SH3PXD2B: variants seen among roughly 807,000 people sequenced by gnomAD.
The protein encoded by SH3PXD2B is SH3 and PX domains 2B, also known as SH3 and PX domain-containing protein 2B.
A neutral mutation model predicts 73.1 loss-of-function variants in SH3PXD2B; 37 were observed. That is an observed-to-expected ratio of 0.51 (90% CI 0.39 to 0.67). The LOEUF (loss-of-function observed/expected upper bound fraction) is 0.67. Ranked by LOEUF, SH3PXD2B falls within the 30% of genes least tolerant of loss-of-function variation. SH3PXD2B has a pLI of 0.00. For missense variants in SH3PXD2B, 1,053 were observed against 1,197.8 expected (o/e 0.88, Z 1.78); for synonymous variants, 457 against 480.5 (o/e 0.95, Z 0.64).
chr5:172,334,067 G>C lies in SH3PXD2B; in HGVS notation c.*4302C>G. The C allele has an allele frequency of 8.7e-7, 1 of 1,150,492 alleles. No individual in the cohort carries two copies. The highest frequency in any genetic ancestry group is 1.8e-5 in the South Asian group (1 of 55,620). 71.3% of individuals were successfully genotyped at this position (1,150,492 alleles called of 1,614,324 possible). ...TGGCACTGCGTTTGGCCTCTTTGAGGACAGAAGAGGTTGAGCCCCTCATCC... is the reference window on the plus strand; with the variant it reads ...TGGCACTGCGTTTGGCCTCTTTGAGCACAGAAGAGGTTGAGCCCCTCATCC... On this transcript the variant is annotated 3_prime_UTR_variant, in exon 13 of 13. Coordinates refer to ENST00000311601, the MANE Select transcript of SH3PXD2B (RefSeq NM_001017995.3).
At chr5:172,378,267 G>A (rs1757863755) in intron 5 of SH3PXD2B, among the ~76,000 whole-genome samples, 2 of 152,210 alleles carry the variant, frequency 1.3e-5, no homozygotes, top group African/African-American at 4.8e-5. Flanking sequence ...TGGGGCCACT[G>A]CAACCACCCT....
chr5:172,432,903 CTCTG>C (rs113207228), intron 1 of SH3PXD2B, among the ~76,000 whole-genome samples: 1,592 of 98,858 alleles, frequency 0.016, 41 homozygotes, highest in African/African-American at 0.067. Context: ...AAGAGTGAAA[CTCTG>C]TCTGTCTCAA....
chr5:172,329,075 A>ATTTTTTTTTTTTTT (rs1561884420), downstream of SH3PXD2B, among the ~76,000 whole-genome samples: 1 of 71,120 alleles, frequency 1.4e-5, no homozygotes, highest in African/African-American at 5.5e-5. Flanking sequence ...ATATATATAT[A>ATTTTTTTTTTTTTT]TATATATATT....
intron 3 of SH3PXD2B, among the ~76,000 whole-genome samples, chr5:172,403,106 A>C (rs1259957978): frequency 1.3e-5 from 2 of 152,240 alleles, no homozygotes; most frequent in East Asian, 3.9e-4. Flanking sequence ...TCAGGGAAGG[A>C]GGGTGAGCCG....
rs1306490395 is a variant in SH3PXD2B at position 172,333,569 on chromosome 5, GGTAAA to G, written c.*4795_*4799del. The G allele has an allele frequency of 3.3e-5, 39 of 1,189,830 alleles. No individual in the cohort carries two copies. The highest frequency in any genetic ancestry group is 3.8e-5 in the Non-Finnish European group (36 of 945,332). The allele number at this position is 1,189,830 out of a possible 1,614,324, so 73.7% of individuals were successfully genotyped here. ...AAAAAAAAAAGGAAAGAAGTCAAAT[GGTAAA>G]GTATATAGCCTACACATGCTACAGC... On this transcript the variant is annotated 3_prime_UTR_variant, in exon 13 of 13. Transcript: ENST00000311601.
chr5:172,360,602 C>T (rs1757375211), intron 7 of SH3PXD2B, among the ~76,000 whole-genome samples: 2 of 152,176 alleles, frequency 1.3e-5, no homozygotes, highest in Admixed American at 1.3e-4. Flanking sequence ...GAGGCTGAGG[C>T]GAGTGGATCA....
rs1489564372 is a variant in SH3PXD2B at position 172,369,693 on chromosome 5, G to A, written c.427+4097C>T. On this transcript the variant is annotated intron_variant, in intron 6 of 12. Transcript: ENST00000311601. ...TGAGGCAGAAGAATTGCTTGAACCC[G>A]GGAGGTGGAGGTTGCAGTGAGCCGA... 5.3e-5 allele frequency among the ~76,000 whole-genome samples: 8 copies of A among 152,006 alleles called. No individual in the cohort carries two copies. The East Asian group carries it at 9.7e-4, about 18-fold the overall frequency.
Position 172,405,610 on chromosome 5 carries a change from G to A in SH3PXD2B, c.232+667C>T, listed in dbSNP as rs142314084. On this transcript the variant is annotated intron_variant, in intron 3 of 12. Coordinates refer to ENST00000311601, the MANE Select transcript of SH3PXD2B (RefSeq NM_001017995.3). The stretch of plus-strand genomic sequence containing the variant: ...GAACTCTGCCAACAATCTACGTGGA[G>A]GCTGGAAGTAGACTTTTCTGTAGGT... Among the ~76,000 whole-genome samples, 53 of 152,288 alleles carry A rather than the reference G, an allele frequency of 3.5e-4. 3 individuals are homozygous for A. In the East Asian group the frequency reaches 0.01, roughly 29 times the overall value.
At chr5:172,434,806 CAG>C (rs1345567715) in intron 1 of SH3PXD2B, among the ~76,000 whole-genome samples, 1 of 57,592 alleles carries the variant, frequency 1.7e-5, no homozygotes, top group Non-Finnish European at 3.5e-5. Context: ...TTTTTTCAGA[CAG>C]AGTCTCGTTC....
In SH3PXD2B at chr5:172,339,271, G is replaced by C. The variant is rs756935357; in HGVS notation, c.1834C>G (p.Leu612Val). Residue 612 changes from leucine to valine, a missense_variant, in exon 13 of 13, where the codon CTC (leucine) becomes GTC (valine). By Grantham distance (32) the Leu-to-Val change is conservative. Coordinates refer to ENST00000311601, the MANE Select transcript of SH3PXD2B (RefSeq NM_001017995.3). This position sits in a 1 kb window ranked among gnomAD's most constrained non-coding sequence, Gnocchi z 6.1. Reference sequence around the variant, plus strand: ...GTTTTGGATTTGGAGATGGGCCGGAGGTTGGGCTTCTTCACTTCCTTGGCC... The same window carrying C: ...GTTTTGGATTTGGAGATGGGCCGGACGTTGGGCTTCTTCACTTCCTTGGCC... ...VLAKEVKKPN[L>V]RPISKSKTDL... The C allele has an allele frequency of 6.2e-7, 1 of 1,614,092 alleles. No individual in the cohort carries two copies. Among genetic ancestry groups the C allele is most frequent in the South Asian group, 1.1e-5 (1 of 91,086 alleles).
intron 2 of SH3PXD2B, among the ~76,000 whole-genome samples, chr5:172,414,217 C>T (rs1282766571): frequency 6.6e-6 from 1 of 152,106 alleles, no homozygotes; most frequent in Non-Finnish European, 1.5e-5. Context: ...GCCTGTAATC[C>T]CAGCACTTTG....
At chr5:172,359,074 G>A (rs1262774626) in intron 7 of SH3PXD2B, among the ~76,000 whole-genome samples, 197 bp from the exon 8 acceptor site, 4 of 152,144 alleles carry the variant, frequency 2.6e-5, no homozygotes, top group African/African-American at 9.7e-5. Flanking sequence ...TCCTGAGCCT[G>A]GGACAGGGAA....
At position 172,448,311 on chromosome 5, in the gene SH3PXD2B, T is replaced by C. The variant is rs115064967; in HGVS notation, c.75+5967A>G. Reference sequence around the variant, plus strand: ...CAGAAATTTAGATCACGACTATTATTATCATCAATAGTACTTTTCATGACT... The same window carrying C: ...CAGAAATTTAGATCACGACTATTATCATCATCAATAGTACTTTTCATGACT... On this transcript the variant is annotated intron_variant, in intron 1 of 12. Transcript: ENST00000311601. 7.1e-3 allele frequency among the ~76,000 whole-genome samples: 1,078 copies of C among 152,332 alleles called. 3 individuals carry two copies. The highest frequency in any genetic ancestry group is 0.014 in the Middle Eastern group (4 of 294).
In SH3PXD2B at chr5:172,394,601, C is replaced by T; in HGVS notation, c.271G>A (p.Ala91Thr). 6.2e-7 allele frequency: 1 copy of T among 1,614,138 alleles called. No homozygotes were observed. Among genetic ancestry groups the T allele is most frequent in the Non-Finnish European group, 8.5e-7 (1 of 1,180,004 alleles). Residue 91 changes from alanine (A) to threonine (T), a missense_variant, in exon 4 of 13, where the codon GCT becomes ACT. This residue lies in a region of SH3PXD2B where 466 missense variants were observed against 607.1 expected (regional missense o/e 0.77). Coordinates refer to ENST00000311601, the MANE Select transcript of SH3PXD2B (RefSeq NM_001017995.3). Reference protein sequence around the residue: ...LFRRSHIRDVAVKRLIPIDEY... With the variant: ...LFRRSHIRDVTVKRLIPIDEY... The stretch of plus-strand genomic sequence containing the variant: ...TCAATTGGTATCAGGCGTTTGACAG[C>T]CACGTCCCGGATGTGGCTTCGTCTG...
chr5:172,430,921 C>A (rs1007568292), intron 1 of SH3PXD2B, among the ~76,000 whole-genome samples: 1 of 151,894 alleles, frequency 6.6e-6, no homozygotes, highest in Non-Finnish European at 1.5e-5. Flanking sequence ...GGCTGGAGTG[C>A]AGTGGTGCGA....
At chr5:172,452,777 A>G (rs1367717188) in intron 1 of SH3PXD2B, among the ~76,000 whole-genome samples, 1 of 152,152 alleles carries the variant, frequency 6.6e-6, no homozygotes, top group Non-Finnish European at 1.5e-5. Flanking sequence ...AAAGAGGCAA[A>G]CTCACTTACA....
In SH3PXD2B at chr5:172,418,225, T is replaced by G. The variant is rs150782360; in HGVS notation, c.156+4191A>C. On this transcript the variant is annotated intron_variant, in intron 2 of 12. Coordinates refer to ENST00000311601, the MANE Select transcript of SH3PXD2B (RefSeq NM_001017995.3). Reference sequence around the variant, plus strand: ...ATTTGCGTAATTGGATAAGCTTGTCTGAAGGACTGAATGAGTCACTACATC... The same window carrying G: ...ATTTGCGTAATTGGATAAGCTTGTCGGAAGGACTGAATGAGTCACTACATC... 2.1e-3 allele frequency among the ~76,000 whole-genome samples: 319 copies of G among 152,334 alleles called. 6 individuals are homozygous for G. In the East Asian group the frequency reaches 0.048, roughly 23 times the overall value.
downstream of SH3PXD2B, among the ~76,000 whole-genome samples, chr5:172,330,779 C>G (rs79604237): frequency 0.011 from 1,721 of 152,294 alleles, 33 homozygotes; most frequent in African/African-American, 0.039. Context: ...AAATTAATCT[C>G]TCAGACTGTT....
intron 12 of SH3PXD2B, among the ~76,000 whole-genome samples, chr5:172,345,347 G>A (rs1013422334): frequency 3.9e-5 from 6 of 152,122 alleles, no homozygotes; most frequent in Non-Finnish European, 5.9e-5. Flanking sequence ...AAAAGCAGCC[G>A]CCACACACAA....
Sources: allele counts gnomAD v4.1 joint callset (sites outside exome capture counted in the v4.1 genomes callset), GRCh38; gene constraint gnomAD v4.1.1; regional missense constraint gnomAD v4.1.1; non-coding constraint Gnocchi (gnomAD v3.1); transcripts MANE v1.5; gene names NCBI Gene and HGNC (gene_info 2026-07-23, HGNC 2026-07-21).